The following CDH8 variants were observed in gnomAD, a reference collection of about 807,000 sequenced individuals.
The protein encoded by CDH8 is cadherin-8.
In CDH8, 17 loss-of-function variants were observed where a neutral mutation model predicts 68.1. The ratio of observed to expected loss-of-function variants is 0.25; its 90% CI spans 0.17 to 0.37. The LOEUF (loss-of-function observed/expected upper bound fraction) is 0.37, where lower values mean the gene tolerates loss of function less well. Ranked by LOEUF, CDH8 falls within the 10% of genes least tolerant of loss-of-function variation. The probability of loss-of-function intolerance (pLI) is 1.00; values close to 1 mark genes in which losing one functional copy is unlikely to be tolerated. For synonymous variants in CDH8, 372 were observed against 365.1 expected (o/e 1.02, Z -0.21); for missense variants, 763 against 999.3 (o/e 0.76, Z 3.19).
At chr16:61,893,761 T>C (rs1963820971) in intron 3 of CDH8, among the ~76,000 whole-genome samples, 1 of 152,062 alleles carries the variant, frequency 6.6e-6, no homozygotes, top group Non-Finnish European at 1.5e-5. Flanking sequence ...AATCTGAGCA[T>C]CAGGATAAAT....
chr16:62,019,780 CA>C (rs941041382), intron 2 of CDH8, among the ~76,000 whole-genome samples: 3 of 152,108 alleles, frequency 2.0e-5, no homozygotes, highest in Non-Finnish European at 4.4e-5. Flanking sequence ...TCCATACATG[CA>C]AATGAACATA....
At chr16:61,799,453 A>C (rs1235271356) in intron 7 of CDH8, among the ~76,000 whole-genome samples, 1 of 152,170 alleles carries the variant, frequency 6.6e-6, no homozygotes, top group Non-Finnish European at 1.5e-5. Flanking sequence ...TTTTTCATTT[A>C]ATCTTTCCTA....
intron 4 of CDH8, among the ~76,000 whole-genome samples, chr16:61,848,116 G>A (rs1962850969): frequency 2.0e-5 from 3 of 151,950 alleles, no homozygotes; most frequent in Admixed American, 2.0e-4. Flanking sequence ...ATCACTATAG[G>A]AACCAAATAT....
chr16:61,948,777 A>G (rs1964840193), intron 2 of CDH8, among the ~76,000 whole-genome samples: 1 of 152,180 alleles, frequency 6.6e-6, no homozygotes, highest in Non-Finnish European at 1.5e-5. Flanking sequence ...TTCCTTTTTA[A>G]AATTTTTATT....
chr16:61,845,867 C>T (rs144374999), intron 4 of CDH8, among the ~76,000 whole-genome samples: 3 of 151,912 alleles, frequency 2.0e-5, no homozygotes, highest in African/African-American at 4.8e-5. Flanking sequence ...TTTGAAAAAC[C>T]GACTTATCCT....
At chr16:62,002,909 T>A (rs1422743514) in intron 2 of CDH8, among the ~76,000 whole-genome samples, 1 of 152,054 alleles carries the variant, frequency 6.6e-6, no homozygotes, top group South Asian at 2.1e-4. Context: ...AAAAATTAGC[T>A]GGGCGTGGCG....
At chr16:61,678,478 G>T (rs1567417281) in intron 10 of CDH8, among the ~76,000 whole-genome samples, 1 of 151,988 alleles carries the variant, frequency 6.6e-6, no homozygotes, top group Non-Finnish European at 1.5e-5. Flanking sequence ...TTTTCCTTTT[G>T]TGTCAGATAT....
intron 7 of CDH8, among the ~76,000 whole-genome samples, chr16:61,816,350 G>A (rs1962074086): frequency 6.6e-6 from 1 of 152,112 alleles, no homozygotes; most frequent in Non-Finnish European, 1.5e-5. Context: ...TGAGTAACAG[G>A]AATTTAATAC....
At chr16:62,013,420 ACTAATGGCT>A (rs1431993433) in intron 2 of CDH8, among the ~76,000 whole-genome samples, 1 of 152,124 alleles carries the variant, frequency 6.6e-6, no homozygotes, top group Non-Finnish European at 1.5e-5. Flanking sequence ...GATAATGGGC[ACTAATGGCT>A]CATTATTTTT....
chr16:61,669,051 A>T (rs1963738562), intron 10 of CDH8, among the ~76,000 whole-genome samples: 1 of 152,066 alleles, frequency 6.6e-6, no homozygotes, highest in African/African-American at 2.4e-5. Context: ...TACCAAAGGT[A>T]GTGTGTTTTC....
intron 10 of CDH8, among the ~76,000 whole-genome samples, chr16:61,690,752 T>C (rs906088299): frequency 6.6e-6 from 1 of 152,054 alleles, no homozygotes; most frequent in Non-Finnish European, 1.5e-5. Flanking sequence ...AATGCAGGGA[T>C]ATGATGAATA....
At chr16:61,959,614 G>A (rs992443723) in intron 2 of CDH8, among the ~76,000 whole-genome samples, 19 of 144,150 alleles carry the variant, frequency 1.3e-4, no homozygotes, top group South Asian at 4.5e-4. Flanking sequence ...ATATATATAC[G>A]CATACATATA....
intron 2 of CDH8, among the ~76,000 whole-genome samples, chr16:62,020,734 A>AT: frequency 6.6e-6 from 1 of 152,342 alleles, no homozygotes; most frequent in East Asian, 1.9e-4. Flanking sequence ...ATATATCTGC[A>AT]TAGCCTTAAA....
chr16:61,987,545 A>G lies in CDH8; in HGVS notation c.252+33607T>C, dbSNP rs117546896. ...AACAAAATGAAATAAATCAAATCAA[A>G]TCAAAGAATAGTTAGAGATAATAAT... is the stretch of plus-strand genomic sequence containing the variant. On this transcript the variant is annotated intron_variant, in intron 2 of 11. Coordinates refer to ENST00000577390, the MANE Select transcript of CDH8 (RefSeq NM_001796.5). 1.1e-3 allele frequency among the ~76,000 whole-genome samples: 165 copies of G among 152,138 alleles called. 1 individual carries two copies. In the East Asian group the frequency reaches 0.029, roughly 27 times the overall value.
chr16:61,844,647 G>C (rs1962766411), intron 4 of CDH8, among the ~76,000 whole-genome samples: 1 of 152,118 alleles, frequency 6.6e-6, no homozygotes, highest in African/African-American at 2.4e-5. Context: ...AGAAAATGAT[G>C]TGATCTCAGA....
At chr16:61,725,460 T>C (rs1489503624) in intron 9 of CDH8, 1 of 150,924 alleles carries the variant, frequency 6.6e-6, no homozygotes, top group Non-Finnish European at 1.5e-5. Context: ...GGAGTTTTAT[T>C]TAAATTCTGA....
At chr16:61,873,161 G>C (rs760085977) in intron 3 of CDH8, among the ~76,000 whole-genome samples, 1 of 152,140 alleles carries the variant, frequency 6.6e-6, no homozygotes, top group Non-Finnish European at 1.5e-5. Flanking sequence ...TCGTAGAAAT[G>C]AATGAAGAAT....
intron 3 of CDH8, among the ~76,000 whole-genome samples, chr16:61,887,013 G>A (rs1295272622): frequency 1.3e-5 from 2 of 152,212 alleles, no homozygotes; most frequent in Non-Finnish European, 2.9e-5. Context: ...CTTGAAACAG[G>A]TTAGAGGGTT....
chr16:61,983,376 A>G (rs567580142), intron 2 of CDH8, among the ~76,000 whole-genome samples: 3 of 152,222 alleles, frequency 2.0e-5, no homozygotes. Flanking sequence ...TTGTAACATT[A>G]TAAACAATTG....
Sources: allele counts gnomAD v4.1 joint callset (sites outside exome capture counted in the v4.1 genomes callset), GRCh38; gene constraint gnomAD v4.1.1; transcripts MANE v1.5; gene names NCBI Gene and HGNC (gene_info 2026-07-23, HGNC 2026-07-21).